Variants in IPCEF1 observed in about 807,000 individuals in gnomAD.
IPCEF1 encodes interactor protein for cytohesin exchange factors 1.
Under a neutral mutation model 50.9 loss-of-function variants are expected in IPCEF1, and 31 were observed. The observed-to-expected ratio is 0.61, with a 90% CI of 0.46 to 0.82. The LOEUF is 0.82. Among genes scored for constraint, IPCEF1 ranks in the 40% least tolerant of loss-of-function variants. The pLI is 0.00. For missense variants in IPCEF1, 458 were observed against 514.0 expected, an observed-to-expected ratio of 0.89 and a Z score of 1.05; for synonymous variants, 181 against 192.0, an observed-to-expected ratio of 0.94 and a Z score of 0.47.
intron 1 of IPCEF1, among the ~76,000 whole-genome samples, chr6:154,320,127 T>A (rs1399909244): frequency 6.6e-6 from 1 of 152,166 alleles, no homozygotes; most frequent in Non-Finnish European, 1.5e-5. Flanking sequence ...TATTCAAAAG[T>A]TATCATCTAA....
intron 1 of IPCEF1, among the ~76,000 whole-genome samples, chr6:154,325,686 C>A (rs936616079): frequency 3.3e-5 from 5 of 152,180 alleles, no homozygotes; most frequent in African/African-American, 1.2e-4. Flanking sequence ...TAATAAAAAT[C>A]TTTAATCCTG....
Position 154,320,826 on chromosome 6 carries a change from G to C in IPCEF1, c.-61-31070C>G, listed in dbSNP as rs80061446. 3.3e-3 allele frequency among the ~76,000 whole-genome samples: 505 copies of C among 152,172 alleles called. 1 individual carries two copies. The highest frequency in any genetic ancestry group is 0.012 in the African/African-American group (482 of 41,502). On this transcript the variant is annotated intron_variant, in intron 1 of 11. Transcript: ENST00000367220. ...GCTCTAGATCAGCCTGGGCAACATA[G>C]CAAGACCTCACCTTTAAAAAATTGT...
rs187957228 is a variant in IPCEF1, at chr6:154,229,515, C to T, written c.247-6272G>A. On this transcript the variant is annotated intron_variant, in intron 5 of 11. Coordinates refer to ENST00000367220, the MANE Select transcript of IPCEF1 (RefSeq NM_001130700.2). ...CAGGCACCCGCCACCACACCCGGCT[C>T]ATTTTTTGTATTTTTTTTTTTTTAG... Among the ~76,000 whole-genome samples, 659 of 149,776 alleles carry T rather than the reference C, an allele frequency of 4.4e-3. 3 individuals are homozygous for T. The highest frequency in any genetic ancestry group is 0.015 in the African/African-American group (629 of 41,026).
intron 2 of IPCEF1, among the ~76,000 whole-genome samples, chr6:154,267,651 G>C (rs1433945524): frequency 1.3e-5 from 2 of 152,224 alleles, no homozygotes; most frequent in South Asian, 4.1e-4. Context: ...AAGACCCATA[G>C]TGGGTAATTC....
intron 10 of IPCEF1, among the ~76,000 whole-genome samples, chr6:154,192,334 G>GTGTGTT (rs1801973085): frequency 6.6e-6 from 1 of 151,980 alleles, no homozygotes; most frequent in African/African-American, 2.4e-5. Flanking sequence ...GTGTGTGTGT[G>GTGTGTT]TGTGTGTGTG....
intron 3 of IPCEF1, among the ~76,000 whole-genome samples, chr6:154,256,472 G>A (rs572533493): frequency 6.6e-6 from 1 of 151,994 alleles, no homozygotes; most frequent in African/African-American, 2.4e-5. Flanking sequence ...AAAGTTTTAT[G>A]TCTTCTCTTT....
At chr6:154,331,370 G>GGAAAGAAA (rs1554225596) in intron 1 of IPCEF1, among the ~76,000 whole-genome samples, 8,486 of 111,876 alleles carry the variant, frequency 0.076, 407 homozygotes, top group Middle Eastern at 0.11. Context: ...AAGAAAGAAA[G>GGAAAGAAA]GAAAGAAAGA....
intron 10 of IPCEF1, among the ~76,000 whole-genome samples, chr6:154,198,228 T>C (rs920622759): frequency 2.0e-5 from 3 of 152,228 alleles, no homozygotes; most frequent in Non-Finnish European, 2.9e-5. Flanking sequence ...ACTTGCACCA[T>C]TGAACTCAAT....
intron 9 of IPCEF1, among the ~76,000 whole-genome samples, chr6:154,203,756 C>A (rs1012868422): frequency 1.3e-5 from 2 of 152,138 alleles, no homozygotes; most frequent in African/African-American, 4.8e-5. Context: ...TTTTCACCTC[C>A]ATTTTTTGCC....
In IPCEF1 at chr6:154,340,158, C is replaced by T. The variant is rs147739206; in HGVS notation, c.-62+16514G>A. Reference sequence around the variant, plus strand: ...TTATTTTGCCAAGGTTGAGGATGCGCGCCCGTGACACAGCCTTAGGAAGTC... The same window carrying T: ...TTATTTTGCCAAGGTTGAGGATGCGTGCCCGTGACACAGCCTTAGGAAGTC... On this transcript the variant is annotated intron_variant, in intron 1 of 11. Transcript: ENST00000367220. Among the ~76,000 whole-genome samples, 15 of 152,156 alleles carry T rather than the reference C, an allele frequency of 9.9e-5. No homozygotes were observed. The East Asian group carries it at 1.9e-3, about 20-fold the overall frequency.
chr6:154,292,077 G>C (rs533756787), intron 1 of IPCEF1, among the ~76,000 whole-genome samples: 2 of 152,288 alleles, frequency 1.3e-5, no homozygotes, highest in South Asian at 4.1e-4. Flanking sequence ...TGGAAGATTT[G>C]TTATATTTTA....
Position 154,158,412 on chromosome 6 carries a change from G to A in IPCEF1, c.*1416C>T, listed in dbSNP as rs999911942. The stretch of plus-strand genomic sequence containing the variant: ...TTCTAAATTTCTATTAGTCTTTAAT[G>A]AAAAGATGACATTAGTTGTGTTGCC... On this transcript the variant is annotated 3_prime_UTR_variant, in exon 12 of 12. Transcript: ENST00000367220. The A allele has an allele frequency of 2.6e-5, 4 of 152,168 alleles. No homozygotes were observed. Among genetic ancestry groups the A allele is most frequent in the African/African-American group, 9.7e-5 (4 of 41,414 alleles). The allele number at this position is 152,168 out of a possible 1,614,324, so 9.4% of individuals were successfully genotyped here. A position where few individuals can be genotyped will look rare whatever the true frequency, so the allele number is the denominator to read the frequency against.
intron 7 of IPCEF1, chr6:154,217,455 A>G (rs1778501947): frequency 6.6e-6 from 1 of 151,824 alleles, no homozygotes; most frequent in African/African-American, 2.4e-5. Context: ...AAAGTGTCCC[A>G]TAAGAAACTG....
intron 9 of IPCEF1, among the ~76,000 whole-genome samples, chr6:154,202,956 G>A (rs1777192815): frequency 6.6e-6 from 1 of 152,292 alleles, no homozygotes; most frequent in South Asian, 2.1e-4. Context: ...GTTTTCATTG[G>A]AAAAGAGATT....
chr6:154,255,367 T>C (rs1298110019), intron 3 of IPCEF1, among the ~76,000 whole-genome samples: 3 of 152,224 alleles, frequency 2.0e-5, no homozygotes, highest in East Asian at 3.8e-4. Flanking sequence ...ATTTTGATCA[T>C]TGGTCTTCTA....
chr6:154,344,321 A>G (rs765458914), intron 1 of IPCEF1, among the ~76,000 whole-genome samples: 21 of 152,202 alleles, frequency 1.4e-4, no homozygotes, highest in Admixed American at 7.2e-4. Context: ...CCATATCATG[A>G]CTACTTCACT....
chr6:154,247,842 G>A (rs553106490), intron 3 of IPCEF1, among the ~76,000 whole-genome samples: 1 of 152,288 alleles, frequency 6.6e-6, no homozygotes, highest in South Asian at 2.1e-4. Context: ...TGTGAGAGAA[G>A]GAAAAATATA....
intron 1 of IPCEF1, among the ~76,000 whole-genome samples, chr6:154,308,769 C>T (rs1041994071): frequency 2.0e-5 from 3 of 152,178 alleles, no homozygotes; most frequent in African/African-American, 7.2e-5. Flanking sequence ...ACTATTACAG[C>T]ACAAAAGGAG....
chr6:154,284,927 G>A (rs924699303), intron 2 of IPCEF1, among the ~76,000 whole-genome samples: 1 of 152,014 alleles, frequency 6.6e-6, no homozygotes, highest in Non-Finnish European at 1.5e-5. Context: ...TTGAACCCAG[G>A]AGGCAGAGGT....
Sources: gnomAD v4.1 joint callset for allele counts (sites outside exome capture counted in the v4.1 genomes callset) on GRCh38, gnomAD v4.1.1 for gene constraint, MANE v1.5 for transcripts, NCBI Gene and HGNC (gene_info 2026-07-23, HGNC 2026-07-21) for gene names.